The following SLC8A1 variants were observed in gnomAD, a reference collection of about 807,000 sequenced individuals.
SLC8A1 encodes sodium/calcium exchanger 1.
In SLC8A1, 18 loss-of-function variants were observed where a neutral mutation model predicts 68.3. That is an observed-to-expected ratio of 0.26 (90% CI 0.18 to 0.39). SLC8A1 has a LOEUF of 0.39. Among genes scored for constraint, SLC8A1 ranks in the 10% least tolerant of loss-of-function variants. The pLI is 1.00. For missense variants in SLC8A1, 985 were observed against 1,156.7 expected (o/e 0.85, Z 2.15); for synonymous variants, 475 against 415.5 (o/e 1.14, Z -1.74).
At position 40,316,379 on chromosome 2, in the gene SLC8A1, A is replaced by G. The variant is rs533248811; in HGVS notation, c.1808+112094T>C. ...TGTTCTCTCTACTGGAAAAGACCTA[A>G]ATACACTCAAAAAGCTTACTGGAGG... On this transcript the variant is annotated intron_variant, in intron 2 of 7. Coordinates refer to ENST00000406785, the Ensembl canonical transcript of SLC8A1. Among the ~76,000 whole-genome samples, 12 of 152,130 alleles carry G rather than the reference A, an allele frequency of 7.9e-5. No homozygotes were observed. The East Asian group carries it at 2.3e-3, about 29-fold the overall frequency.
intron 2 of SLC8A1, among the ~76,000 whole-genome samples, chr2:40,249,941 C>T (rs561875358): frequency 7.2e-5 from 11 of 152,094 alleles, no homozygotes; most frequent in African/African-American, 1.9e-4. Context: ...AGGAAGATAC[C>T]GTTATATTAA....
chr2:40,346,497 A>C (rs1416793239), intron 2 of SLC8A1, among the ~76,000 whole-genome samples: 10 of 152,182 alleles, frequency 6.6e-5, no homozygotes, highest in Admixed American at 6.5e-4. Context: ...CTACAGCAGT[A>C]TTCCTCCTAG....
Position 40,212,416 on chromosome 2 carries a change from C to T in SLC8A1, c.1809-34561G>A, listed in dbSNP as rs529703243. Among the ~76,000 whole-genome samples the T allele has an allele frequency of 4.0e-5, 6 of 151,894 alleles. No individual in the cohort carries two copies. The South Asian group carries it at 1.2e-3, about 32-fold the overall frequency. On this transcript the variant is annotated intron_variant, in intron 2 of 7. Transcript: ENST00000406785. ...TCTCCTGCCTCAGCCTCCCATGTAGCTGGGACTACAGGTGTATGCCACCAT... is the reference window on the plus strand; with the variant it reads ...TCTCCTGCCTCAGCCTCCCATGTAGTTGGGACTACAGGTGTATGCCACCAT...
At chr2:40,480,383 A>C (rs1704553301) in intron 1 of SLC8A1, among the ~76,000 whole-genome samples, 1 of 152,156 alleles carries the variant, frequency 6.6e-6, no homozygotes, top group Non-Finnish European at 1.5e-5. Flanking sequence ...GTCCTTATGA[A>C]AAAAAGTCCC....
At chr2:40,485,418 A>G (rs1704898559) in intron 1 of SLC8A1, among the ~76,000 whole-genome samples, 1 of 152,188 alleles carries the variant, frequency 6.6e-6, no homozygotes. Flanking sequence ...TCATGGAAAT[A>G]ATCATAAAAG....
chr2:40,182,524 C>A (rs1424640689), intron 2 of SLC8A1, among the ~76,000 whole-genome samples: 2 of 152,138 alleles, frequency 1.3e-5, no homozygotes, highest in Non-Finnish European at 2.9e-5. Context: ...TAAGAAAGAT[C>A]AATTTATTCA....
chr2:40,349,630 T>G (rs1670430445), intron 2 of SLC8A1, among the ~76,000 whole-genome samples: 2 of 152,172 alleles, frequency 1.3e-5, no homozygotes, highest in African/African-American at 4.8e-5. Context: ...TGAAAAGCAT[T>G]TAGCACAGTG....
At chr2:40,395,408 T>A (rs1013139380) in intron 2 of SLC8A1, among the ~76,000 whole-genome samples, 2 of 152,124 alleles carry the variant, frequency 1.3e-5, no homozygotes, top group Non-Finnish European at 2.9e-5. Context: ...ATGACAATGG[T>A]CTGTGCTCAC....
intron 1 of SLC8A1, among the ~76,000 whole-genome samples, chr2:40,506,623 T>C (rs927125784): frequency 6.6e-6 from 1 of 151,986 alleles, no homozygotes; most frequent in African/African-American, 2.4e-5. Flanking sequence ...TTTTAAAAAA[T>C]GTAATCTATC....
chr2:40,490,265 G>A (rs1204920910), intron 1 of SLC8A1, among the ~76,000 whole-genome samples: 1 of 152,058 alleles, frequency 6.6e-6, no homozygotes, highest in Non-Finnish European at 1.5e-5. Flanking sequence ...GGCAAGATAA[G>A]TTTCTTGTTA....
intron 1 of SLC8A1, among the ~76,000 whole-genome samples, chr2:40,469,455 G>A (rs546725618): frequency 2.0e-4 from 30 of 152,252 alleles, no homozygotes; most frequent in African/African-American, 7.0e-4. Flanking sequence ...CATGCTTTCT[G>A]TTAAGTCTGA....
chr2:40,418,974 G>A (rs1694708287), intron 2 of SLC8A1, among the ~76,000 whole-genome samples: 1 of 152,194 alleles, frequency 6.6e-6, no homozygotes, highest in African/African-American at 2.4e-5. Flanking sequence ...GCCCCATCAG[G>A]TGGCACTGAG....
intron 2 of SLC8A1, among the ~76,000 whole-genome samples, chr2:40,296,439 A>G (rs1575154360): frequency 1.3e-5 from 2 of 152,326 alleles, no homozygotes; most frequent in East Asian, 3.9e-4. Flanking sequence ...CTCTATATAG[A>G]AGGCTAAAAA....
intron 2 of SLC8A1, among the ~76,000 whole-genome samples, chr2:40,215,121 T>C (rs1339762237): frequency 2.6e-5 from 4 of 152,190 alleles, no homozygotes; most frequent in African/African-American, 7.2e-5. Flanking sequence ...AAAGTATTTA[T>C]GAGTTGTAGC....
At chr2:40,250,434 T>A (rs745634400) in intron 2 of SLC8A1, 1 of 152,160 alleles carries the variant, frequency 6.6e-6, no homozygotes, top group African/African-American at 2.4e-5. Context: ...TAGTGATCAT[T>A]AGCTGGCACT....
In SLC8A1 at chr2:40,512,068, T is replaced by C. The variant is rs186334835; in HGVS notation, c.-25+281A>G. ...TGCTGGCAATATCGAGGAAGACTTG[T>C]ATCCACAAAATTCCAAATGGTAAGT... On this transcript the variant is annotated intron_variant, in intron 1 of 7. Coordinates refer to the SLC8A1 transcript ENST00000402441. 4.6e-5 allele frequency among the ~76,000 whole-genome samples: 7 copies of C among 152,292 alleles called. No individual in the cohort carries two copies. The East Asian group carries it at 9.7e-4, about 21-fold the overall frequency.
intron 4 of SLC8A1, 110 bp downstream of exon 6, chr2:40,174,582 AACCAGCAAGAGCAC>A: frequency 2.1e-6 from 2 of 932,220 alleles, no homozygotes; most frequent in Non-Finnish European, 3.3e-6. Flanking sequence ...AAATGTGTAA[AACCAGCAAGAGCAC>A]ACCATGTGCC....
intron 1 of SLC8A1, among the ~76,000 whole-genome samples, chr2:40,444,797 A>G (rs1045911986): frequency 2.0e-5 from 3 of 152,224 alleles, no homozygotes; most frequent in Non-Finnish European, 4.4e-5. Context: ...TATATCATCT[A>G]TGATTGCTTT....
chr2:40,400,532 G>A (rs1234036136), intron 2 of SLC8A1, among the ~76,000 whole-genome samples: 1 of 152,068 alleles, frequency 6.6e-6, no homozygotes, highest in African/African-American at 2.4e-5. Context: ...GTTTTCTCTT[G>A]GCCTGAGTCA....
Sources: gnomAD v4.1 joint callset for allele counts (sites outside exome capture counted in the v4.1 genomes callset) on GRCh38, gnomAD v4.1.1 for gene constraint, MANE v1.5 for transcripts, NCBI Gene and HGNC (gene_info 2026-07-23, HGNC 2026-07-21) for gene names.